TMEM163: variants seen among roughly 807,000 people sequenced by gnomAD.
TMEM163 encodes transmembrane protein 163.
A neutral mutation model predicts 29.3 loss-of-function variants in TMEM163; 17 were observed. That is an observed-to-expected ratio of 0.58 (90% CI 0.40 to 0.87). The LOEUF (loss-of-function observed/expected upper bound fraction) is 0.87, where lower values mean the gene tolerates loss of function less well. TMEM163 is among the 40% of genes least tolerant of loss of function. The pLI, the probability that TMEM163 is intolerant of heterozygous loss-of-function variation, is 0.00. For synonymous variants in TMEM163, 157 were observed against 160.6 expected (o/e 0.98, Z 0.17); for missense variants, 303 against 381.5 (o/e 0.79, Z 1.71).
intron 2 of TMEM163, among the ~76,000 whole-genome samples, chr2:134,696,303 A>T (rs1684580348): frequency 6.6e-6 from 1 of 152,166 alleles, no homozygotes; most frequent in Non-Finnish European, 1.5e-5. Flanking sequence ...GTTCCTAAAA[A>T]TATCACAATC....
intron 4 of TMEM163, among the ~76,000 whole-genome samples, chr2:134,515,635 G>T (rs1034849787): frequency 6.6e-6 from 1 of 152,150 alleles, no homozygotes; most frequent in African/African-American, 2.4e-5. Context: ...GAGTGTTTAA[G>T]TAACTGTGAT....
Position 134,578,141 on chromosome 2 carries a change from TTAAAAA to T in TMEM163, c.323-26056_323-26051del, listed in dbSNP as rs1206592568. ...AATACAGTTATATTAGTTCCATAAC[TTAAAAA>T]TAAGAGGAAGAGAAAGGGTAGTTTT... On this transcript the variant is annotated intron_variant, in intron 2 of 7. Transcript: ENST00000281924. Among the ~76,000 whole-genome samples the T allele has an allele frequency of 3.9e-5, 6 of 152,278 alleles. No individual in the cohort carries two copies. In the East Asian group the frequency reaches 5.8e-4, roughly 15 times the overall value.
chr2:134,631,567 C>A (rs1412103476), intron 2 of TMEM163, among the ~76,000 whole-genome samples: 1 of 152,158 alleles, frequency 6.6e-6, no homozygotes. Flanking sequence ...AACTAAAGCC[C>A]AGAAAGGCCA....
intron 2 of TMEM163, among the ~76,000 whole-genome samples, chr2:134,592,168 TTAAGA>T (rs1681949892): frequency 6.6e-6 from 1 of 152,070 alleles, no homozygotes; most frequent in Non-Finnish European, 1.5e-5. Flanking sequence ...AAAACTTGAG[TTAAGA>T]TAAGTGGGGA....
chr2:134,634,409 T>C (rs1409338718), intron 2 of TMEM163, among the ~76,000 whole-genome samples: 1 of 152,176 alleles, frequency 6.6e-6, no homozygotes, highest in African/African-American at 2.4e-5. Context: ...GTTGAGCATG[T>C]AAAGCACTTA....
chr2:134,545,821 C>CGCCAACAATT (rs1558940453), intron 4 of TMEM163, among the ~76,000 whole-genome samples: 1 of 152,204 alleles, frequency 6.6e-6, no homozygotes, highest in Admixed American at 6.5e-5. Context: ...TAGTACCCCA[C>CGCCAACAATT]GCCAACAATT....
intron 4 of TMEM163, among the ~76,000 whole-genome samples, chr2:134,539,420 C>T (rs573254533): frequency 5.3e-5 from 8 of 152,276 alleles, no homozygotes; most frequent in African/African-American, 1.7e-4. Context: ...GCGGTGCTGA[C>T]GGTGTATGCA....
Position 134,463,826 on chromosome 2 carries a change from G to A in TMEM163, c.667+2288C>T, listed in dbSNP as rs115924631. 6.6e-3 allele frequency among the ~76,000 whole-genome samples: 1,012 copies of A among 152,262 alleles called. 26 individuals carry two copies. Among genetic ancestry groups the A allele is most frequent in the Admixed American group, 0.042 (648 of 15,294 alleles). ...ACAGAGTGTAAAACCCCGCTGATCC[G>A]GTGTTACTGCAACTTCACGCTCCAA... is the stretch of plus-strand genomic sequence containing the variant. On this transcript the variant is annotated intron_variant, in intron 6 of 7. Transcript: ENST00000281924.
chr2:134,715,733 A>T (rs1025747877), intron 1 of TMEM163, among the ~76,000 whole-genome samples: 1 of 152,198 alleles, frequency 6.6e-6, no homozygotes, highest in African/African-American at 2.4e-5. Flanking sequence ...GAGAATTCCT[A>T]ATGTTTTCAG....
chr2:134,521,248 C>T (rs1296396750), intron 4 of TMEM163, among the ~76,000 whole-genome samples: 4 of 152,158 alleles, frequency 2.6e-5, no homozygotes, highest in Non-Finnish European at 4.4e-5. Context: ...CCACCTGCCT[C>T]GGCCTCCCAA....
At chr2:134,601,705 A>G (rs891655545) in intron 2 of TMEM163, among the ~76,000 whole-genome samples, 4 of 152,242 alleles carry the variant, frequency 2.6e-5, no homozygotes, top group African/African-American at 9.6e-5. Flanking sequence ...CATCAGTACC[A>G]TCAGGGAAAT....
At chr2:134,505,242 T>C (rs1412047738) in intron 4 of TMEM163, among the ~76,000 whole-genome samples, 3 of 123,880 alleles carry the variant, frequency 2.4e-5, no homozygotes, top group Non-Finnish European at 3.5e-5. Flanking sequence ...GGAATTCCTT[T>C]TTTTTTTTTT....
chr2:134,656,469 C>T (rs1400061656), intron 2 of TMEM163, among the ~76,000 whole-genome samples: 1 of 152,066 alleles, frequency 6.6e-6, no homozygotes, highest in African/African-American at 2.4e-5. Flanking sequence ...GTGAGAGAAA[C>T]CCGGTACCTC....
At chr2:134,509,778 A>G (rs1298428395) in intron 4 of TMEM163, among the ~76,000 whole-genome samples, 1 of 152,264 alleles carries the variant, frequency 6.6e-6, no homozygotes, top group Non-Finnish European at 1.5e-5. Flanking sequence ...TGAAGACAGA[A>G]CTAAGAGTGA....
At chr2:134,493,400 G>A (rs1679473461) in intron 5 of TMEM163, among the ~76,000 whole-genome samples, 1 of 105,484 alleles carries the variant, frequency 9.5e-6, no homozygotes, top group Non-Finnish European at 1.7e-5. Context: ...TTGAGATGGA[G>A]TCTCACTCTG....
chr2:134,509,531 C>T (rs779784728), intron 4 of TMEM163, among the ~76,000 whole-genome samples: 71 of 152,238 alleles, frequency 4.7e-4, no homozygotes, highest in Non-Finnish European at 8.2e-4. Context: ...TTTCATCTAA[C>T]ATCAACCTAT....
intron 2 of TMEM163, among the ~76,000 whole-genome samples, chr2:134,698,556 A>T (rs760017270): frequency 2.0e-5 from 3 of 151,648 alleles, no homozygotes; most frequent in Non-Finnish European, 4.4e-5. Context: ...TTTCTCTTTC[A>T]TTTATTTGTA....
intron 4 of TMEM163, among the ~76,000 whole-genome samples, chr2:134,510,360 A>G (rs1679919857): frequency 6.6e-6 from 1 of 152,204 alleles, no homozygotes; most frequent in South Asian, 2.1e-4. Flanking sequence ...CTTTGTGGTG[A>G]CAGGAAGTCG....
chr2:134,494,059 G>T (rs1337369846), intron 5 of TMEM163, among the ~76,000 whole-genome samples: 1 of 152,232 alleles, frequency 6.6e-6, no homozygotes, highest in African/African-American at 2.4e-5. Context: ...GATGAAAAAG[G>T]ATTGTTAACA....
Sources: gnomAD v4.1 joint callset for allele counts (sites outside exome capture counted in the v4.1 genomes callset) on GRCh38, gnomAD v4.1.1 for gene constraint, MANE v1.5 for transcripts, NCBI Gene and HGNC (gene_info 2026-07-23, HGNC 2026-07-21) for gene names.